The following ZFP28 variants were observed in gnomAD, a reference collection of about 807,000 sequenced individuals.
ZFP28 encodes the protein zinc finger protein 28 homolog.
ZFP28 carries 31 observed loss-of-function variants against 39.5 expected under a neutral mutation model. The ratio of observed to expected loss-of-function variants is 0.79; its 90% CI spans 0.59 to 1.06. The LOEUF is 1.06. ZFP28 is among the 50% of genes least tolerant of loss of function. The pLI is 0.00. For missense variants in ZFP28, 925 were observed against 1,048.4 expected, an observed-to-expected ratio of 0.88 and a Z score of 1.63; for synonymous variants, 400 against 378.6, an observed-to-expected ratio of 1.06 and a Z score of -0.66.
In ZFP28 at chr19:56,553,855, T is replaced by A. The variant is rs768211231; in HGVS notation, c.1070T>A (p.Phe357Tyr). 1.9e-6 allele frequency: 3 copies of A among 1,614,060 alleles called. No homozygotes were observed. Among genetic ancestry groups the A allele is most frequent in the Admixed American group, 1.7e-5 (1 of 60,010 alleles). Residue 357 changes from phenylalanine (F) to tyrosine (Y), a missense_variant, in exon 8 of 8, where the codon TTC (phenylalanine) becomes TAC (tyrosine). Phe to Tyr is a conservative substitution (Grantham distance 22). Transcript: ENST00000301318. ...CTTGCAGTAGGTCAAGAGACACAAT[T>A]CAGGCAAGAGCCAATTACTCATAAC... ...RKLAVGQETQ[F>Y]RQEPITHNKT...
chr19:56,555,032 A>G lies in ZFP28; in HGVS notation c.2247A>G (p.Arg749=). The G allele has an allele frequency of 6.2e-7, 1 of 1,614,148 alleles. No individual in the cohort carries two copies. The highest frequency in any genetic ancestry group is 8.5e-7 in the Non-Finnish European group (1 of 1,180,032). The change falls in exon 8 of 8, where the codon AGA becomes AGG. Residue 749 remains arginine (R), a synonymous_variant. Transcript: ENST00000301318. The stretch of plus-strand genomic sequence containing the variant: ...AATCCTCCCTTATTTGTCATCGCAG[A>G]AGTCATACTGGAGAAAAACCTTATG... The part of the protein sequence containing the change: ...KTKSSLICHR[R]SHTGEKPYEC...
Position 56,539,694 on chromosome 19 carries a change from T to C in ZFP28, c.278T>C (p.Ile93Thr), listed in dbSNP as rs1338822485. 10 of 1,614,034 alleles carry C rather than the reference T, an allele frequency of 6.2e-6. No individual in the cohort carries two copies. The highest frequency in any genetic ancestry group is 2.2e-5 in the East Asian group (1 of 44,892). The part of the protein sequence containing the change: ...NKKLEAVGTG[I>T]EPKAMSQGLV... ...AAGCTGGAGGCTGTGGGGACAGGAA[T>C]TGAACCTAAAGCCATGTCCCAGGTG... The change falls in exon 2 of 8, where the codon ATT becomes ACT. Residue 93 changes from isoleucine to threonine, a missense_variant. Physicochemically the swap from Ile to Thr is moderately conservative, Grantham distance 89. Around this residue, in one of 2 missense-constraint regions of ZFP28, gnomAD observed 556 missense variants for 542.9 expected, o/e 1.02. Transcript: ENST00000301318.
chr19:56,540,919 C>CT (rs2044190221), intron 2 of ZFP28, among the ~76,000 whole-genome samples: 1 of 150,112 alleles, frequency 6.7e-6, no homozygotes, highest in African/African-American at 2.5e-5. Context: ...ACAGTTCTTA[C>CT]CTCCGTGACT....
Position 56,539,063 on chromosome 19 carries a change from C to T in ZFP28, c.45C>T (p.Leu15=), listed in dbSNP as rs1209287840. The change falls in exon 1 of 8, where the codon CTC becomes CTT. Residue 15 remains leucine, a synonymous_variant. Transcript: ENST00000301318. ...CGAGTGTCCGCGAGCCGACGCCGCT[C>T]CCGGGTAGAGGCGCCCCCCGCACAA... The part of the protein sequence containing the change: ...ASASVREPTP[L]PGRGAPRTKP... The T allele has an allele frequency of 6.6e-6, 10 of 1,513,662 alleles. No homozygotes were observed. The highest frequency in any genetic ancestry group is 7.9e-6 in the Non-Finnish European group (9 of 1,135,438). The allele number at this position is 1,513,662 out of a possible 1,614,324, so 93.8% of individuals were successfully genotyped here.
intron 7 of ZFP28, chr19:56,551,406 G>C (rs1279306876): frequency 2.0e-6 from 2 of 985,458 alleles, no homozygotes; most frequent in Non-Finnish European, 2.4e-6. Context: ...TTTTCACATA[G>C]TAGAAATTAC....
Position 56,539,033 on chromosome 19 carries a change from G to A in ZFP28, c.15G>A (p.Ala5=), listed in dbSNP as rs921670430. 9 of 1,450,328 alleles carry A rather than the reference G, an allele frequency of 6.2e-6. No individual in the cohort carries two copies. The African/African-American group carries it at 1.0e-4, about 17-fold the overall frequency. The allele number at this position is 1,450,328 out of a possible 1,614,324, so 89.8% of individuals were successfully genotyped here. Reference sequence around the variant, plus strand: ...CCTCGGGTGACATGCGGGGGGCGGCGAGCGCGAGTGTCCGCGAGCCGACGC... The same window carrying A: ...CCTCGGGTGACATGCGGGGGGCGGCAAGCGCGAGTGTCCGCGAGCCGACGC... MRGA[A]SASVREPTPL... Residue 5 remains alanine (A), a synonymous_variant, in exon 1 of 8, where the codon GCG becomes GCA. Coordinates refer to ENST00000301318, the MANE Select transcript of ZFP28 (RefSeq NM_020828.2).
Position 56,554,524 on chromosome 19 carries a change from A to G in ZFP28, c.1739A>G (p.Gln580Arg), listed in dbSNP as rs145787059. Residue 580 changes from glutamine to arginine, a missense_variant, in exon 8 of 8, where the codon CAA (glutamine) becomes CGA (arginine). Gln to Arg is a conservative substitution (Grantham distance 43, BLOSUM62 1). Transcript: ENST00000301318. The surrounding 1 kb of genome is among the most constrained non-coding windows in gnomAD (Gnocchi z 6.7). ...FSHHASLTQH[Q>R]RVHSGEKPFK... ...CATCATGCATCACTCACTCAACATC[A>G]AAGAGTACATTCTGGAGAAAAGCCT... 7 of 1,614,122 alleles carry G rather than the reference A, an allele frequency of 4.3e-6. No homozygotes were observed. The African/African-American group carries it at 5.3e-5, about 12-fold the overall frequency.
At chr19:56,538,766 GA>G (rs2044158784), upstream of ZFP28, among the ~76,000 whole-genome samples, 1 of 28,588 alleles carries the variant, frequency 3.5e-5, no homozygotes, top group East Asian at 1.1e-3. Flanking sequence ...TCTCTAGGCT[GA>G]GGGGCGGGGC....
chr19:56,540,596 G>A (rs2044187407), intron 2 of ZFP28, among the ~76,000 whole-genome samples: 1 of 152,102 alleles, frequency 6.6e-6, no homozygotes, highest in Admixed American at 6.5e-5. Flanking sequence ...AGTCTTTTTT[G>A]ACTATCATTG....
At chr19:56,549,160 CT>C (rs1435219690) in intron 5 of ZFP28, 39 bp downstream of exon 5, 1 of 1,572,894 alleles carries the variant, frequency 6.4e-7, no homozygotes, top group East Asian at 2.3e-5. Context: ...AGGAAGGATC[CT>C]TCATGAGGAA....
chr19:56,541,685 C>T lies in ZFP28; in HGVS notation c.300+1969C>T, dbSNP rs935783966. 2.6e-5 allele frequency among the ~76,000 whole-genome samples: 4 copies of T among 151,974 alleles called. No individual in the cohort carries two copies. In the East Asian group the frequency reaches 7.7e-4, roughly 29 times the overall value. On this transcript the variant is annotated intron_variant, in intron 2 of 7. Coordinates refer to ENST00000301318, the MANE Select transcript of ZFP28 (RefSeq NM_020828.2). ...CTCACCCTGTCTAGAATTTCAGAGC[C>T]TCCTACCTGTTCTTCACATCCCTCT...
chr19:56,554,628 A>G lies in ZFP28; in HGVS notation c.1843A>G (p.Lys615Glu). The G allele has an allele frequency of 6.2e-7, 1 of 1,613,320 alleles. No homozygotes were observed. The highest frequency in any genetic ancestry group is 1.1e-5 in the South Asian group (1 of 91,050). ...TCATTTAAGGATTCATACTGGGGAG[A>G]AGCCTTTTGAATGTGCGGAGTGTGG... is the stretch of plus-strand genomic sequence containing the variant. ...ASHLRIHTGE[K>E]PFECAECGKS... is the part of the protein sequence containing the mutation. The change falls in exon 8 of 8, where the codon AAG (lysine) becomes GAG (glutamate). Residue 615 changes from lysine (K) to glutamate (E), a missense_variant. Coordinates refer to ENST00000301318, the MANE Select transcript of ZFP28 (RefSeq NM_020828.2). This position sits in a 1 kb window ranked among gnomAD's most constrained non-coding sequence, Gnocchi z 6.7.
chr19:56,539,080 C>G lies in ZFP28; in HGVS notation c.62C>G (p.Pro21Arg), dbSNP rs553987932. Residue 21 changes from proline (P) to arginine (R), a missense_variant, in exon 1 of 8, where the codon CCC (proline) becomes CGC (arginine). Pro to Arg is a moderately radical substitution (Grantham distance 103). Around this residue, in one of 2 missense-constraint regions of ZFP28, gnomAD observed 556 missense variants for 542.9 expected, o/e 1.02. Coordinates refer to ENST00000301318, the MANE Select transcript of ZFP28 (RefSeq NM_020828.2). ...EPTPLPGRGA[P>R]RTKPRAGRGP... ...ACGCCGCTCCCGGGTAGAGGCGCCCCCCGCACAAAGCCCCGGGCGGGCCGA... is the reference window on the plus strand; with the variant it reads ...ACGCCGCTCCCGGGTAGAGGCGCCCGCCGCACAAAGCCCCGGGCGGGCCGA... The G allele has an allele frequency of 2.0e-6, 3 of 1,532,530 alleles. No homozygotes were observed. In the African/African-American group the frequency reaches 4.1e-5, roughly 21 times the overall value. 94.9% of individuals were successfully genotyped at this position (1,532,530 alleles called of 1,614,324 possible). A position where few individuals can be genotyped will look rare whatever the true frequency, so the allele number is the denominator to read the frequency against.
At chr19:56,540,026 C>T (rs1210593438) in intron 2 of ZFP28, among the ~76,000 whole-genome samples, 3 of 152,232 alleles carry the variant, frequency 2.0e-5, no homozygotes, top group Admixed American at 2.0e-4. Context: ...ACGGCAGACT[C>T]TTCTGCTATA....
At chr19:56,538,919 G>A (rs1036563201), upstream of ZFP28, 13 of 1,083,662 alleles carry the variant, frequency 1.2e-5, no homozygotes, top group African/African-American at 1.5e-4. Flanking sequence ...CCATGGGGGA[G>A]CGCGCGCGGG....
rs149264851 is a variant in ZFP28, at chr19:56,553,699, A to T, written c.914A>T (p.His305Leu). ...GSLFSGQRSVHETQELFPKQD... is the reference protein window; with the variant it reads ...GSLFSGQRSVLETQELFPKQD... ...TATCTTTCAGGCCAGCGATCTGTAC[A>T]TGAGACCCAGGAATTATTTCCAAAG... Residue 305 changes from histidine (H) to leucine (L), a missense_variant, in exon 8 of 8, where the codon CAT (histidine) becomes CTT (leucine). By Grantham distance (99) the His-to-Leu change is moderately conservative. Around this residue, in one of 2 missense-constraint regions of ZFP28, gnomAD observed 556 missense variants for 542.9 expected, o/e 1.02. Coordinates refer to ENST00000301318, the MANE Select transcript of ZFP28 (RefSeq NM_020828.2). The T allele has an allele frequency of 3.1e-4, 493 of 1,609,804 alleles. No individual in the cohort carries two copies. Among genetic ancestry groups the T allele is most frequent in the Non-Finnish European group, 4.1e-4 (481 of 1,178,162 alleles).
intron 2 of ZFP28, 37 bp downstream of exon 2, chr19:56,539,753 G>A (rs769864708): frequency 6.3e-7 from 1 of 1,580,520 alleles, no homozygotes; most frequent in East Asian, 2.2e-5. Flanking sequence ...CTGAAATGCA[G>A]TCTTGCTTTT....
intron 1 of ZFP28, among the ~76,000 whole-genome samples, 163 bp downstream of exon 1, chr19:56,539,389 G>A (rs1169642122): frequency 6.6e-6 from 1 of 152,202 alleles, no homozygotes; most frequent in Non-Finnish European, 1.5e-5. Flanking sequence ...AAGCTCAACT[G>A]ATTCAGAGCA....
At chr19:56,551,820 T>C (rs2044306845) in intron 7 of ZFP28, 4 of 983,998 alleles carry the variant, frequency 4.1e-6, no homozygotes, top group Non-Finnish European at 4.8e-6. Context: ...TTGTACCCAG[T>C]TCTCTCTTGT....
Sources: allele counts gnomAD v4.1 joint callset (sites outside exome capture counted in the v4.1 genomes callset), GRCh38; gene constraint gnomAD v4.1.1; regional missense constraint gnomAD v4.1.1; non-coding constraint Gnocchi (gnomAD v3.1); transcripts MANE v1.5; gene names NCBI Gene and HGNC (gene_info 2026-07-23, HGNC 2026-07-21).